The following GALNT14 variants were observed in gnomAD, a reference collection of about 807,000 sequenced individuals.
GALNT14 encodes polypeptide N-acetylgalactosaminyltransferase 14, also known as UDP-GalNAc:polypeptide N-acetylgalactosaminyltransferase 14.
Under a neutral mutation model 77.5 loss-of-function variants are expected in GALNT14, and 60 were observed. The ratio of observed to expected loss-of-function variants is 0.77; its 90% CI spans 0.63 to 0.96. The LOEUF (loss-of-function observed/expected upper bound fraction) is 0.96, where lower values mean the gene tolerates loss of function less well. Among genes scored for constraint, GALNT14 ranks in the 40% least tolerant of loss-of-function variants. The probability of loss-of-function intolerance (pLI) is 0.00; values close to 1 mark genes in which losing one functional copy is unlikely to be tolerated. For synonymous variants in GALNT14, 280 were observed against 281.7 expected (o/e 0.99, Z 0.06); for missense variants, 710 against 731.0 (o/e 0.97, Z 0.33).
intron 1 of GALNT14, among the ~76,000 whole-genome samples, chr2:31,008,067 C>T (rs1441103486): frequency 3.3e-5 from 5 of 152,100 alleles, no homozygotes; most frequent in Admixed American, 1.3e-4. Flanking sequence ...ATGGGATGAA[C>T]CCCAACCCTC....
the GALNT14 span, among the ~76,000 whole-genome samples, chr2:30,898,506 G>A: frequency 6.6e-6 from 1 of 152,180 alleles, no homozygotes; most frequent in African/African-American, 2.4e-5. Context: ...TATGAGACAG[G>A]TGTGATTATT....
intron 9 of GALNT14, among the ~76,000 whole-genome samples, chr2:30,939,637 G>A (rs899989833): frequency 1.3e-5 from 2 of 152,138 alleles, no homozygotes; most frequent in African/African-American, 4.8e-5. Context: ...GCTCAGATTC[G>A]ATAGTACAAT....
chr2:31,007,217 G>A (rs1670734018), intron 1 of GALNT14, among the ~76,000 whole-genome samples: 3 of 152,176 alleles, frequency 2.0e-5, no homozygotes, highest in Admixed American at 2.0e-4. Flanking sequence ...AGTGCTACAG[G>A]CGACGTGGCA....
intron 10 of GALNT14, 100 bp from the exon 11 acceptor site, chr2:30,929,587 A>T: frequency 1.2e-6 from 1 of 823,868 alleles, no homozygotes; most frequent in East Asian, 2.7e-5. Flanking sequence ...AGTTGGCAAC[A>T]CCACCTAGGT....
At chr2:30,975,291 G>C (rs533701484) in intron 2 of GALNT14, among the ~76,000 whole-genome samples, 1 of 152,348 alleles carries the variant, frequency 6.6e-6, no homozygotes, top group African/African-American at 2.4e-5. Flanking sequence ...CGATGATGAA[G>C]CAAGAGGGGA....
chr2:31,030,528 C>G (rs1672339558), intron 1 of GALNT14, among the ~76,000 whole-genome samples: 1 of 152,166 alleles, frequency 6.6e-6, no homozygotes, highest in Non-Finnish European at 1.5e-5. Flanking sequence ...CGCATGGTCT[C>G]AGCTACATAA....
chr2:30,911,515 G>A (rs1345182362), intron 14 of GALNT14, among the ~76,000 whole-genome samples: 1 of 152,096 alleles, frequency 6.6e-6, no homozygotes, highest in East Asian at 1.9e-4. Flanking sequence ...CATGCAGCAG[G>A]TTCTCACACT....
chr2:31,074,269 G>A (rs1366874045), intron 1 of GALNT14, among the ~76,000 whole-genome samples: 3 of 152,142 alleles, frequency 2.0e-5, no homozygotes, highest in African/African-American at 4.8e-5. Context: ...CCTTGGAGAA[G>A]TCACTTGACA....
intron 1 of GALNT14, among the ~76,000 whole-genome samples, chr2:31,027,997 C>T (rs1322383360): frequency 6.6e-6 from 1 of 151,762 alleles, no homozygotes; most frequent in African/African-American, 2.4e-5. Context: ...CTGACTTAGT[C>T]CATAGCTAAT....
chr2:30,954,448 C>T (rs984501751), intron 6 of GALNT14, among the ~76,000 whole-genome samples: 2 of 152,290 alleles, frequency 1.3e-5, no homozygotes, highest in South Asian at 2.1e-4. Context: ...GCAACCTCTG[C>T]CTCCTGGGTT....
chr2:30,916,883 C>T (rs1448137255), intron 13 of GALNT14, among the ~76,000 whole-genome samples: 4 of 151,784 alleles, frequency 2.6e-5, no homozygotes, highest in African/African-American at 9.7e-5. Flanking sequence ...TTGAGACCAG[C>T]CTGGCCAATA....
At chr2:31,098,306 G>C (rs58588514) in intron 1 of GALNT14, among the ~76,000 whole-genome samples, 5 of 152,064 alleles carry the variant, frequency 3.3e-5, no homozygotes, top group African/African-American at 1.2e-4. Context: ...GCTTATTAGC[G>C]GGGGAAAGCC....
At chr2:31,072,333 G>T (rs925844701) in intron 1 of GALNT14, among the ~76,000 whole-genome samples, 2 of 148,262 alleles carry the variant, frequency 1.3e-5, no homozygotes, top group African/African-American at 5.1e-5. Context: ...GCATGCGGAC[G>T]TGCAGAGATA....
intron 1 of GALNT14, among the ~76,000 whole-genome samples, chr2:31,037,220 C>T (rs1258297953): frequency 6.6e-6 from 1 of 152,122 alleles, no homozygotes; most frequent in Admixed American, 6.5e-5. Flanking sequence ...AACCTATTTG[C>T]AAGTTTATTG....
chr2:30,968,047 G>A (rs1668118672), intron 2 of GALNT14, among the ~76,000 whole-genome samples: 1 of 152,170 alleles, frequency 6.6e-6, no homozygotes, highest in Admixed American at 6.5e-5. Flanking sequence ...AAATAGGTAA[G>A]GACCTGTCCT....
At chr2:30,975,647 T>C (rs947961927) in intron 2 of GALNT14, among the ~76,000 whole-genome samples, 5 of 152,226 alleles carry the variant, frequency 3.3e-5, no homozygotes, top group Non-Finnish European at 7.3e-5. Flanking sequence ...CTCACATCTA[T>C]TTCTATTGGA....
At chr2:31,046,419 G>A (rs150050034) in intron 1 of GALNT14, among the ~76,000 whole-genome samples, 2 of 152,110 alleles carry the variant, frequency 1.3e-5, no homozygotes, top group African/African-American at 2.4e-5. Context: ...TAGTAGAGAC[G>A]GGGTTTCACT....
intron 1 of GALNT14, among the ~76,000 whole-genome samples, chr2:31,060,644 T>C (rs1447329534): frequency 1.3e-5 from 2 of 152,198 alleles, no homozygotes; most frequent in African/African-American, 2.4e-5. Context: ...CTAGCGGCTG[T>C]CAACATGACA....
intron 1 of GALNT14, among the ~76,000 whole-genome samples, chr2:31,005,075 T>C (rs976147063): frequency 3.3e-5 from 5 of 152,030 alleles, no homozygotes; most frequent in East Asian, 1.9e-4. Flanking sequence ...GGCCACCAAA[T>C]TGTGACCCCT....
Sources: allele counts gnomAD v4.1 joint callset (sites outside exome capture counted in the v4.1 genomes callset), GRCh38; gene constraint gnomAD v4.1.1; transcripts MANE v1.5; gene names NCBI Gene and HGNC (gene_info 2026-07-23, HGNC 2026-07-21).